Variants in SLC17A8 observed in about 807,000 individuals in gnomAD.
SLC17A8 encodes vesicular glutamate transporter 3.
SLC17A8 carries 31 observed loss-of-function variants against 58.0 expected under a neutral mutation model. The observed-to-expected ratio is 0.53, with a 90% CI of 0.40 to 0.72. The LOEUF is 0.72. SLC17A8 is among the 30% of genes least tolerant of loss of function. The pLI is 0.00. For missense variants in SLC17A8, 655 were observed against 727.8 expected (o/e 0.90, Z 1.15); for synonymous variants, 228 against 249.0 (o/e 0.92, Z 0.79).
chr12:100,370,612 T>TAAAAAAA (rs61103377), intron 1 of SLC17A8, among the ~76,000 whole-genome samples: 3 of 127,168 alleles, frequency 2.4e-5, no homozygotes, highest in African/African-American at 8.3e-5. Flanking sequence ...ATCTAAATTC[T>TAAAAAAA]AAAAAAAAAA....
intron 3 of SLC17A8, among the ~76,000 whole-genome samples, chr12:100,392,934 C>T (rs1952726909): frequency 1.3e-5 from 2 of 152,144 alleles, no homozygotes; most frequent in South Asian, 2.1e-4. Flanking sequence ...AGCAAGCTTA[C>T]CTGAACCTGG....
intron 1 of SLC17A8, among the ~76,000 whole-genome samples, chr12:100,378,016 T>C (rs115518585): frequency 0.02 from 3,078 of 152,266 alleles, 28 homozygotes; most frequent in Non-Finnish European, 0.027. Context: ...TTAAGCTGCC[T>C]TTTAGGTGTC....
chr12:100,394,713 T>C (rs1304139484), intron 4 of SLC17A8, among the ~76,000 whole-genome samples: 1 of 149,076 alleles, frequency 6.7e-6, no homozygotes, highest in East Asian at 1.9e-4. Flanking sequence ...ACTAGTTACA[T>C]CTTTTTCAAA....
chr12:100,360,378 C>T lies in SLC17A8; in HGVS notation c.101+2886C>T, dbSNP rs531573499. On this transcript the variant is annotated intron_variant, in intron 1 of 11. Transcript: ENST00000323346. ...CAGTGACAAAACAGTATCTTTCAGACACTGTAAACTCATTTAATTCTATTA... is the reference window on the plus strand; with the variant it reads ...CAGTGACAAAACAGTATCTTTCAGATACTGTAAACTCATTTAATTCTATTA... Among the ~76,000 whole-genome samples, 72 of 152,268 alleles carry T rather than the reference C, an allele frequency of 4.7e-4. 2 individuals carry two copies. The highest frequency in any genetic ancestry group is 3.7e-4 in the Non-Finnish European group (25 of 68,016).
intron 2 of SLC17A8, among the ~76,000 whole-genome samples, chr12:100,385,082 C>A (rs781246648): frequency 4.6e-5 from 7 of 151,596 alleles, no homozygotes; most frequent in Non-Finnish European, 1.0e-4. Context: ...ACTAGAATCT[C>A]TGTGGGTTTG....
chr12:100,357,713 T>G (rs187413001), intron 1 of SLC17A8, among the ~76,000 whole-genome samples: 2 of 152,202 alleles, frequency 1.3e-5, no homozygotes, highest in Admixed American at 1.3e-4. Context: ...AAGACAAATA[T>G]GCTGTTTATA....
At position 100,387,812 on chromosome 12, in the gene SLC17A8, T is replaced by A. The variant is rs528851101; in HGVS notation, c.355-3189T>A. ...GTATGACCTTGGACAAGTAAACTAA[T>A]CTCTCTAAGCCTTAGTTTCCTCATT... On this transcript the variant is annotated intron_variant, in intron 2 of 11. Transcript: ENST00000323346. Among the ~76,000 whole-genome samples the A allele has an allele frequency of 7.9e-5, 12 of 152,356 alleles. No individual in the cohort carries two copies. In the East Asian group the frequency reaches 2.1e-3, roughly 27 times the overall value.
intron 10 of SLC17A8, among the ~76,000 whole-genome samples, chr12:100,414,809 G>A (rs1952894743): frequency 6.6e-6 from 1 of 152,188 alleles, no homozygotes; most frequent in South Asian, 2.1e-4. Flanking sequence ...GCCTCTCAAA[G>A]TGTTATGTGA....
chr12:100,417,550 G>C (rs930021663), intron 10 of SLC17A8, among the ~76,000 whole-genome samples: 1 of 152,122 alleles, frequency 6.6e-6, no homozygotes, highest in African/African-American at 2.4e-5. Context: ...TCATTAAAAA[G>C]CACCCTTTTC....
chr12:100,413,917 C>T (rs1467894342), intron 10 of SLC17A8, among the ~76,000 whole-genome samples: 5 of 151,902 alleles, frequency 3.3e-5, no homozygotes, highest in Non-Finnish European at 5.9e-5. Context: ...TTGGAGGTTG[C>T]GGTGAGCTGA....
intron 1 of SLC17A8, 50 bp downstream of exon 1, chr12:100,357,542 C>A: frequency 8.3e-7 from 1 of 1,203,202 alleles, no homozygotes; most frequent in South Asian, 1.2e-5. Context: ...CTTCGTATTG[C>A]CAATGTGTGA....
intron 2 of SLC17A8, among the ~76,000 whole-genome samples, chr12:100,382,280 T>C (rs1476622232): frequency 1.3e-5 from 2 of 152,144 alleles, no homozygotes; most frequent in African/African-American, 2.4e-5. Context: ...TGAGGTAAGA[T>C]AGGAATGGAG....
chr12:100,370,034 A>G (rs1432981157), intron 1 of SLC17A8, among the ~76,000 whole-genome samples: 9 of 152,206 alleles, frequency 5.9e-5, no homozygotes, highest in African/African-American at 9.6e-5. Flanking sequence ...TTCAAAATGA[A>G]CAAGAAATCC....
chr12:100,369,686 G>T (rs927902325), intron 1 of SLC17A8, among the ~76,000 whole-genome samples: 7 of 152,098 alleles, frequency 4.6e-5, no homozygotes, highest in African/African-American at 1.7e-4. Flanking sequence ...TGTTTTTGTT[G>T]TTTTTTATTT....
At position 100,421,772 on chromosome 12, in the gene SLC17A8, G is replaced by A. The variant is rs1009104576; in HGVS notation, c.*1613G>A. On this transcript the variant is annotated 3_prime_UTR_variant, in exon 12 of 12. Transcript: ENST00000323346. ...TGGAATAATCTTGGGGAAAAATTGC[G>A]ATTCTTCATTAAATAATATTCTTTA... 2.0e-5 allele frequency: 3 copies of A among 147,108 alleles called. No homozygotes were observed. The highest frequency in any genetic ancestry group is 7.6e-5 in the African/African-American group (3 of 39,726). The allele number at this position is 147,108 out of a possible 1,614,324, so 9.1% of individuals were successfully genotyped here. A position where few individuals can be genotyped will look rare whatever the true frequency, so the allele number is the denominator to read the frequency against.
At chr12:100,371,037 C>T (rs1424082487) in intron 1 of SLC17A8, among the ~76,000 whole-genome samples, 1 of 152,220 alleles carries the variant, frequency 6.6e-6, no homozygotes, top group Non-Finnish European at 1.5e-5. Flanking sequence ...CTTTATTGAG[C>T]TCCTTTTGAA....
At chr12:100,381,613 A>G (rs1249429133) in intron 2 of SLC17A8, among the ~76,000 whole-genome samples, 2 of 152,114 alleles carry the variant, frequency 1.3e-5, no homozygotes, top group Admixed American at 6.6e-5. Context: ...CTATGTAGGT[A>G]TATTTTAGGA....
chr12:100,394,563 G>A (rs1028778535), intron 4 of SLC17A8, among the ~76,000 whole-genome samples: 10 of 150,154 alleles, frequency 6.7e-5, no homozygotes, highest in Non-Finnish European at 1.5e-4. Context: ...TACCACACCC[G>A]GCTAATTTTT....
At position 100,420,135 on chromosome 12, in the gene SLC17A8, G is replaced by T. The variant is rs1204899051; in HGVS notation, c.1746G>T (p.Glu582Asp). 1.9e-6 allele frequency: 3 copies of T among 1,613,398 alleles called. No homozygotes were observed. In the African/African-American group the frequency reaches 4.0e-5, roughly 22 times the overall value. ...EEELTSYQNE[E>D]RNFSTIS is the part of the protein sequence containing the mutation. ...AGCTGACATCCTACCAGAATGAAGA[G>T]AGAAACTTCTCAACTATATCCTAAT... The change falls in exon 12 of 12, where the codon GAG becomes GAT. Residue 582 changes from glutamate to aspartate, a missense_variant. Transcript: ENST00000323346.
Sources: gnomAD v4.1 joint callset for allele counts (sites outside exome capture counted in the v4.1 genomes callset) on GRCh38, gnomAD v4.1.1 for gene constraint, MANE v1.5 for transcripts, NCBI Gene and HGNC (gene_info 2026-07-23, HGNC 2026-07-21) for gene names.